The following KAZN variants were observed in gnomAD, a reference collection of about 807,000 sequenced individuals.
KAZN encodes kazrin.
Under a neutral mutation model 87.4 loss-of-function variants are expected in KAZN, and 40 were observed. The ratio of observed to expected loss-of-function variants is 0.46; its 90% CI spans 0.36 to 0.60. KAZN has a LOEUF of 0.60. Ranked by LOEUF, KAZN falls within the 20% of genes least tolerant of loss-of-function variation. The pLI is 0.00. For synonymous variants in KAZN, 466 were observed against 458.3 expected, an observed-to-expected ratio of 1.02 and a Z score of -0.22; for missense variants, 898 against 1,073.9, an observed-to-expected ratio of 0.84 and a Z score of 2.29.
chr1:13,997,527 G>A (rs1378346841), intron 1 of KAZN, among the ~76,000 whole-genome samples: 1 of 151,914 alleles, frequency 6.6e-6, no homozygotes, highest in Non-Finnish European at 1.5e-5. Flanking sequence ...GAGCATAAAT[G>A]ACCTAATGGA....
chr1:14,382,788 T>C (rs1037209087), intron 2 of KAZN, among the ~76,000 whole-genome samples: 7 of 150,490 alleles, frequency 4.7e-5, no homozygotes, highest in African/African-American at 1.5e-4. Flanking sequence ...TACGTGTGCA[T>C]GTGTCTTTAT....
At chr1:14,916,912 C>CAAAAA (rs34571740) in intron 1 of KAZN, among the ~76,000 whole-genome samples, 1 of 141,844 alleles carries the variant, frequency 7.1e-6, no homozygotes. Flanking sequence ...GACCTTGTCT[C>CAAAAA]AAAAAAAAAA....
chr1:14,708,677 G>A (rs1239637604), intron 1 of KAZN, among the ~76,000 whole-genome samples: 1 of 152,182 alleles, frequency 6.6e-6, no homozygotes, highest in Non-Finnish European at 1.5e-5. Context: ...AACAGCCCCG[G>A]CTTCAGATCC....
intron 8 of KAZN, among the ~76,000 whole-genome samples, chr1:15,090,820 A>G (rs74997481): frequency 1.0e-3 from 154 of 152,324 alleles, no homozygotes; most frequent in African/African-American, 3.6e-3. Flanking sequence ...CAGGCAGCAG[A>G]GAATGGTACC....
rs188287031 is a variant in KAZN, at chr1:14,800,372, C to A, written c.227-160312C>A. On this transcript the variant is annotated intron_variant, in intron 1 of 14. Coordinates refer to ENST00000376030, the MANE Select transcript of KAZN (RefSeq NM_201628.3). ...GGTGAATGAATAAACAAGATGTGGT[C>A]AATCCATGCAATCAAATATTTTTAA... 2.6e-4 allele frequency among the ~76,000 whole-genome samples: 39 copies of A among 152,264 alleles called. No homozygotes were observed. The East Asian group carries it at 7.5e-3, about 29-fold the overall frequency.
intron 1 of KAZN, among the ~76,000 whole-genome samples, chr1:14,645,076 A>G (rs1680710243): frequency 6.6e-6 from 1 of 152,070 alleles, no homozygotes; most frequent in Non-Finnish European, 1.5e-5. Flanking sequence ...TTTCCCCATT[A>G]CTTTTGTTAG....
At chr1:14,696,575 C>T (rs571244264) in intron 1 of KAZN, among the ~76,000 whole-genome samples, 9 of 152,214 alleles carry the variant, frequency 5.9e-5, no homozygotes, top group Non-Finnish European at 1.2e-4. Flanking sequence ...CTGCCTATTG[C>T]ATCCTCTTGG....
At chr1:15,048,176 C>A (rs1481039991) in intron 4 of KAZN, among the ~76,000 whole-genome samples, 1 of 152,238 alleles carries the variant, frequency 6.6e-6, no homozygotes, top group African/African-American at 2.4e-5. Context: ...CTCTGGGCCG[C>A]CCCACACACC....
chr1:14,462,614 A>C (rs1011179015), intron 2 of KAZN, among the ~76,000 whole-genome samples: 3 of 152,148 alleles, frequency 2.0e-5, no homozygotes, highest in Admixed American at 6.5e-5. Flanking sequence ...GGTAATTTAC[A>C]AAGGAAAGAG....
intron 1 of KAZN, among the ~76,000 whole-genome samples, chr1:14,674,841 T>C (rs6660146): frequency 0.47 from 71,035 of 151,884 alleles, 16,754 homozygotes; most frequent in South Asian, 0.53. Flanking sequence ...GGCTGGAGTG[T>C]AGTGGTGCAA....
In KAZN at chr1:14,831,403, C is replaced by T. The variant is rs145887973; in HGVS notation, c.227-129281C>T. 6.3e-3 allele frequency among the ~76,000 whole-genome samples: 965 copies of T among 152,320 alleles called. 13 individuals are homozygous for T. Among genetic ancestry groups the T allele is most frequent in the African/African-American group, 0.021 (886 of 41,572 alleles). ...AAAGTGGGACGCCTCCCTTCCTGTA[C>T]TCTTCCCTTCCCTGACCTGGCAGAG... is the stretch of plus-strand genomic sequence containing the variant. On this transcript the variant is annotated intron_variant, in intron 1 of 14. Transcript: ENST00000376030.
At chr1:14,490,953 G>A (rs1328036300) in intron 2 of KAZN, among the ~76,000 whole-genome samples, 1 of 152,116 alleles carries the variant, frequency 6.6e-6, no homozygotes, top group Non-Finnish European at 1.5e-5. Flanking sequence ...TAAATCCAAA[G>A]ACTATTGATT....
chr1:14,262,250 TTAAAAA>T (rs1320121274), intron 2 of KAZN, among the ~76,000 whole-genome samples: 1 of 152,080 alleles, frequency 6.6e-6, no homozygotes, highest in Non-Finnish European at 1.5e-5. Flanking sequence ...TCTGTATCTA[TTAAAAA>T]TAAAAATTTA....
chr1:15,023,907 T>TG (rs1461109803), intron 2 of KAZN, among the ~76,000 whole-genome samples: 12 of 104,326 alleles, frequency 1.2e-4, no homozygotes, highest in Non-Finnish European at 1.4e-4. Flanking sequence ...GAGAAAAGTT[T>TG]GGGGGGGTGG....
At chr1:14,553,315 C>T (rs61771941) in intron 2 of KAZN, among the ~76,000 whole-genome samples, 30,621 of 152,046 alleles carry the variant, frequency 0.2, 3,818 homozygotes, top group Middle Eastern at 0.29. Flanking sequence ...GAGCCAAGAT[C>T]GCGCCACTGC....
At chr1:14,851,276 C>G (rs1229994787) in intron 1 of KAZN, among the ~76,000 whole-genome samples, 1 of 152,170 alleles carries the variant, frequency 6.6e-6, no homozygotes, top group Non-Finnish European at 1.5e-5. Flanking sequence ...GGGACCACTG[C>G]CCAAGACGCC....
upstream of KAZN, among the ~76,000 whole-genome samples, chr1:14,597,938 G>T (rs1676612454): frequency 6.6e-6 from 1 of 152,124 alleles, no homozygotes; most frequent in African/African-American, 2.4e-5. Flanking sequence ...GAGGCAGCAG[G>T]GCTCAACTCT....
At chr1:14,478,278 G>GAAGGAAGGA (rs1553178155) in intron 2 of KAZN, among the ~76,000 whole-genome samples, 24 of 148,752 alleles carry the variant, frequency 1.6e-4, no homozygotes, top group African/African-American at 5.8e-4. Flanking sequence ...AGGAAGAAAG[G>GAAGGAAGGA]AAGGAAGGAA....
chr1:14,028,114 C>A (rs557697661), intron 1 of KAZN, among the ~76,000 whole-genome samples: 2 of 152,282 alleles, frequency 1.3e-5, no homozygotes, highest in Non-Finnish European at 2.9e-5. Context: ...TTCTGTCCCC[C>A]CAAACTCTGC....
Sources: gnomAD v4.1 joint callset for allele counts (sites outside exome capture counted in the v4.1 genomes callset) on GRCh38, gnomAD v4.1.1 for gene constraint, MANE v1.5 for transcripts, NCBI Gene and HGNC (gene_info 2026-07-23, HGNC 2026-07-21) for gene names.